The following COL5A2 variants were observed in gnomAD, a reference collection of about 807,000 sequenced individuals.
COL5A2 encodes the protein collagen alpha-2(V) chain.
In COL5A2, 23 loss-of-function variants were observed where a neutral mutation model predicts 208.2. The observed-to-expected ratio is 0.11, with a 90% CI of 0.08 to 0.16. The LOEUF (loss-of-function observed/expected upper bound fraction) is 0.16. COL5A2 is among the 10% of genes least tolerant of loss of function. The pLI is 1.00. For missense variants in COL5A2, 1,590 were observed against 1,956.4 expected, an observed-to-expected ratio of 0.81 and a Z score of 3.53; for synonymous variants, 625 against 628.5, an observed-to-expected ratio of 0.99 and a Z score of 0.08.
At chr2:189,272,272 C>A in the COL5A2 span, among the ~76,000 whole-genome samples, 1 of 152,214 alleles carries the variant, frequency 6.6e-6, no homozygotes, top group East Asian at 1.9e-4. Flanking sequence ...AAATACCCAT[C>A]AATGATAGAC....
chr2:189,154,901 C>T (rs1039995611), intron 1 of COL5A2, among the ~76,000 whole-genome samples: 1 of 152,084 alleles, frequency 6.6e-6, no homozygotes. Context: ...AAATGCTTGA[C>T]GAATGAATGA....
At chr2:189,353,513 G>T in the COL5A2 span, among the ~76,000 whole-genome samples, 1 of 152,126 alleles carries the variant, frequency 6.6e-6, no homozygotes, top group Non-Finnish European at 1.5e-5. Flanking sequence ...CACATCCCTT[G>T]TAAGTTGGAT....
At chr2:189,441,040 C>G in the COL5A2 span, among the ~76,000 whole-genome samples, 7 of 152,142 alleles carry the variant, frequency 4.6e-5, no homozygotes, top group Non-Finnish European at 1.0e-4. Flanking sequence ...CCCAATAACT[C>G]AACGCTGCGA....
intron 1 of COL5A2, among the ~76,000 whole-genome samples, chr2:189,203,075 C>T (rs1576584847): frequency 1.3e-5 from 2 of 152,178 alleles, no homozygotes; most frequent in South Asian, 2.1e-4. Context: ...TAATGCAGCC[C>T]TTTAATGTAT....
At chr2:189,121,735 T>TGAAAA (rs1576540807) in intron 1 of COL5A2, among the ~76,000 whole-genome samples, 1 of 4,344 alleles carries the variant, frequency 2.3e-4, no homozygotes, top group African/African-American at 2.9e-4. Flanking sequence ...AGACTCCGTC[T>TGAAAA]CAAAAAAAAA....
chr2:189,269,556 G>A, the COL5A2 span, among the ~76,000 whole-genome samples: 1 of 152,068 alleles, frequency 6.6e-6, no homozygotes, highest in African/African-American at 2.4e-5. Flanking sequence ...ATTAGTGTAT[G>A]GTGAACTAGC....
chr2:189,350,959 C>G, the COL5A2 span, among the ~76,000 whole-genome samples: 5 of 152,108 alleles, frequency 3.3e-5, no homozygotes, highest in Non-Finnish European at 7.4e-5. Flanking sequence ...TCTGTGATGT[C>G]TCAGAAAAAC....
chr2:189,120,182 T>C (rs1687472304), intron 1 of COL5A2, among the ~76,000 whole-genome samples: 2 of 152,222 alleles, frequency 1.3e-5, no homozygotes, highest in South Asian at 4.1e-4. Context: ...GGAGTTCAAC[T>C]TCCTTGCCAA....
chr2:189,121,232 C>T (rs1207044141), intron 1 of COL5A2, among the ~76,000 whole-genome samples: 1 of 151,560 alleles, frequency 6.6e-6, no homozygotes, highest in Non-Finnish European at 1.5e-5. Context: ...GCTTTTTTTT[C>T]AAGTGAGAAA....
chr2:189,051,573 TC>T, intron 41 of COL5A2, 92 bp from the exon 42 acceptor site: 2 of 1,180,706 alleles, frequency 1.7e-6, no homozygotes, highest in South Asian at 3.6e-5. Flanking sequence ...GATGCAGATG[TC>T]CAAGCCTCGC....
At chr2:189,217,220 C>A (rs1306659183) in intron 1 of COL5A2, among the ~76,000 whole-genome samples, 1 of 152,098 alleles carries the variant, frequency 6.6e-6, no homozygotes, top group Non-Finnish European at 1.5e-5. Flanking sequence ...GATGCCAGGA[C>A]TAGAGGTCAT....
At chr2:189,321,461 G>C in the COL5A2 span, among the ~76,000 whole-genome samples, 1 of 152,140 alleles carries the variant, frequency 6.6e-6, no homozygotes, top group Non-Finnish European at 1.5e-5. Flanking sequence ...AAAATAAAGG[G>C]ATGGAGGAAG....
the COL5A2 span, among the ~76,000 whole-genome samples, chr2:189,334,607 T>C: frequency 3.3e-5 from 5 of 152,156 alleles, no homozygotes; most frequent in East Asian, 5.8e-4. Flanking sequence ...TGTGAAGATA[T>C]ACTATTTCAT....
chr2:189,331,331 C>G, the COL5A2 span, among the ~76,000 whole-genome samples: 8 of 152,056 alleles, frequency 5.3e-5, no homozygotes, highest in African/African-American at 1.9e-4. Flanking sequence ...GAGATTGAGA[C>G]CATCCTGGTC....
chr2:189,249,602 T>C, the COL5A2 span, among the ~76,000 whole-genome samples: 4,477 of 152,310 alleles, frequency 0.029, 77 homozygotes, highest in Admixed American at 0.046. Context: ...GCTTAATTAT[T>C]TAATTAAAGC....
At chr2:189,126,838 T>C (rs1687615947) in intron 1 of COL5A2, among the ~76,000 whole-genome samples, 1 of 152,092 alleles carries the variant, frequency 6.6e-6, no homozygotes, top group Non-Finnish European at 1.5e-5. Context: ...GCTAAGGCCA[T>C]GAGCAGAGAC....
chr2:189,183,664 C>T (rs915654248), upstream of COL5A2, among the ~76,000 whole-genome samples: 6 of 152,156 alleles, frequency 3.9e-5, no homozygotes, highest in African/African-American at 9.7e-5. Context: ...TTCCCTCAAC[C>T]TGCATCCTAT....
At chr2:189,072,186 C>T (rs1686290252) in intron 17 of COL5A2, 93 bp from the exon 18 acceptor site, 1 of 820,300 alleles carries the variant, frequency 1.2e-6, no homozygotes, top group Non-Finnish European at 2.1e-6. Flanking sequence ...TTGTATTAGA[C>T]ACATAAGAAT....
chr2:189,035,749 T>A (rs1685432150), intron 52 of COL5A2, among the ~76,000 whole-genome samples: 1 of 152,100 alleles, frequency 6.6e-6, no homozygotes, highest in Admixed American at 6.6e-5. Context: ...TGACAGATAC[T>A]AGCTTATCTT....
Sources: gnomAD v4.1 joint callset for allele counts (sites outside exome capture counted in the v4.1 genomes callset) on GRCh38, gnomAD v4.1.1 for gene constraint, MANE v1.5 for transcripts, NCBI Gene and HGNC (gene_info 2026-07-23, HGNC 2026-07-21) for gene names.